The following DAB1 variants were observed in gnomAD, a reference collection of about 807,000 sequenced individuals.
DAB1 encodes DAB adaptor protein 1, also known as disabled homolog 1.
A neutral mutation model predicts 64.6 loss-of-function variants in DAB1; 15 were observed. That is an observed-to-expected ratio of 0.23 (90% CI 0.16 to 0.36). The LOEUF is 0.36. DAB1 is among the 10% of genes least tolerant of loss of function. The pLI, the probability that DAB1 is intolerant of heterozygous loss-of-function variation, is 1.00. For missense variants in DAB1, 596 were observed against 706.7 expected (o/e 0.84, Z 1.78); for synonymous variants, 235 against 251.9 (o/e 0.93, Z 0.64).
chr1:58,536,264 G>T (rs186557104), intron 1 of DAB1, among the ~76,000 whole-genome samples: 1 of 152,092 alleles, frequency 6.6e-6, no homozygotes, highest in Non-Finnish European at 1.5e-5. Flanking sequence ...ATCAAGGAAG[G>T]TTTTCCTGAG....
chr1:57,429,625 C>A (rs1685423427), intron 7 of DAB1, among the ~76,000 whole-genome samples: 1 of 152,138 alleles, frequency 6.6e-6, no homozygotes, highest in Non-Finnish European at 1.5e-5. Flanking sequence ...TATTGCAAGT[C>A]TTCCATCTGT....
At chr1:58,039,442 C>A (rs893594818) in intron 5 of DAB1, among the ~76,000 whole-genome samples, 1 of 152,218 alleles carries the variant, frequency 6.6e-6, no homozygotes, top group Non-Finnish European at 1.5e-5. Flanking sequence ...TGAGTGTGCA[C>A]CCCCACAAGG....
intron 5 of DAB1, among the ~76,000 whole-genome samples, chr1:57,940,015 G>A (rs909575802): frequency 2.0e-5 from 3 of 152,166 alleles, no homozygotes; most frequent in Admixed American, 2.0e-4. Flanking sequence ...ATATGACTGC[G>A]ATTTTTACAG....
At chr1:57,537,468 T>C (rs1056111295) in intron 7 of DAB1, among the ~76,000 whole-genome samples, 1 of 152,230 alleles carries the variant, frequency 6.6e-6, no homozygotes, top group Non-Finnish European at 1.5e-5. Context: ...ACTCACTGTA[T>C]ATCAAAATCG....
rs751284282 is a variant in DAB1, at chr1:57,420,068, T to G, written c.-137+3862A>C. Among the ~76,000 whole-genome samples the G allele has an allele frequency of 4.6e-5, 7 of 152,234 alleles. No homozygotes were observed. In the East Asian group the frequency reaches 5.8e-4, roughly 13 times the overall value. Reference sequence around the variant, plus strand: ...TGAACCAATACTAACCAATGCCTGATAGAAACTGCCACAGAGTCACAAGTG... The same window carrying G: ...TGAACCAATACTAACCAATGCCTGAGAGAAACTGCCACAGAGTCACAAGTG... On this transcript the variant is annotated intron_variant, in intron 1 of 14. Coordinates refer to ENST00000371236, the MANE Select transcript of DAB1 (RefSeq NM_001365792.1).
At chr1:57,670,614 A>G (rs763580494) in intron 6 of DAB1, among the ~76,000 whole-genome samples, 49 of 152,282 alleles carry the variant, frequency 3.2e-4, no homozygotes, top group Non-Finnish European at 3.8e-4. Context: ...TAACTGTTGG[A>G]AAGATGAAGA....
chr1:58,152,902 A>C (rs1056390165), intron 4 of DAB1, among the ~76,000 whole-genome samples: 1 of 152,214 alleles, frequency 6.6e-6, no homozygotes, highest in Non-Finnish European at 1.5e-5. Flanking sequence ...GCCGGTCCAA[A>C]TCACACAGTT....
chr1:57,795,468 A>G (rs755886409), intron 6 of DAB1, among the ~76,000 whole-genome samples: 35 of 151,960 alleles, frequency 2.3e-4, no homozygotes, highest in Non-Finnish European at 3.8e-4. Context: ...ACAAAGGAAC[A>G]TAGAAATGGA....
intron 4 of DAB1, among the ~76,000 whole-genome samples, chr1:58,291,124 C>T (rs1661822843): frequency 6.6e-6 from 1 of 152,130 alleles, no homozygotes; most frequent in African/African-American, 2.4e-5. Flanking sequence ...GCAACATGTC[C>T]TCGACATCGT....
intron 2 of DAB1, among the ~76,000 whole-genome samples, chr1:57,161,907 G>C (rs1442625695): frequency 6.6e-6 from 1 of 151,242 alleles, no homozygotes; most frequent in Non-Finnish European, 1.5e-5. Context: ...TCATCTGGCA[G>C]CGTAAATTAT....
chr1:58,105,082 C>T (rs185614669), intron 5 of DAB1, among the ~76,000 whole-genome samples: 2 of 152,248 alleles, frequency 1.3e-5, no homozygotes, highest in East Asian at 1.9e-4. Context: ...TTGTGATTTG[C>T]GACCACAAAA....
chr1:57,962,711 T>A (rs190355117), intron 5 of DAB1, among the ~76,000 whole-genome samples: 13 of 151,872 alleles, frequency 8.6e-5, no homozygotes, highest in African/African-American at 3.1e-4. Context: ...TTTTTTTTTT[T>A]AATTTAGCCA....
chr1:57,028,924 A>G (rs1646877487), intron 9 of DAB1, among the ~76,000 whole-genome samples: 1 of 151,922 alleles, frequency 6.6e-6, no homozygotes, highest in Non-Finnish European at 1.5e-5. Flanking sequence ...ACGTGATAGA[A>G]AAAAAAAATT....
chr1:57,356,993 A>C (rs1679161163), intron 1 of DAB1, among the ~76,000 whole-genome samples: 1 of 152,062 alleles, frequency 6.6e-6, no homozygotes, highest in Non-Finnish European at 1.5e-5. Context: ...ATTGGAAACA[A>C]TAATGACCCT....
chr1:58,249,309 C>A (rs188148748), intron 4 of DAB1, among the ~76,000 whole-genome samples: 1 of 151,728 alleles, frequency 6.6e-6, no homozygotes. Flanking sequence ...CGGAACAGCT[C>A]CCCCCGCCCC....
intron 1 of DAB1, among the ~76,000 whole-genome samples, chr1:57,361,712 C>T (rs1198214019): frequency 1.3e-5 from 2 of 152,038 alleles, no homozygotes; most frequent in African/African-American, 4.8e-5. Context: ...TCACATAGCC[C>T]AGATGGGGCT....
rs139066171 is a variant in DAB1, at chr1:57,594,975, G to T, written n.625+54617C>A. On this transcript the variant is annotated intron_variant and non_coding_transcript_variant, in intron 7 of 20. Transcript: ENST00000485760. ...TCCACCCGCCTCAGCCTCCCAAAGT[G>T]CTGGGATTACAGGCGTGAGCCACCA... Among the ~76,000 whole-genome samples the T allele has an allele frequency of 3.8e-3, 575 of 152,252 alleles. 3 individuals carry two copies. The highest frequency in any genetic ancestry group is 0.013 in the African/African-American group (552 of 41,552).
At chr1:58,404,271 G>A (rs1385880185) in intron 3 of DAB1, among the ~76,000 whole-genome samples, 1 of 152,200 alleles carries the variant, frequency 6.6e-6, no homozygotes, top group African/African-American at 2.4e-5. Flanking sequence ...ACTCTTAGAT[G>A]TACTTGAGAT....
chr1:57,921,698 C>T (rs1644809530), intron 5 of DAB1, among the ~76,000 whole-genome samples: 2 of 149,750 alleles, frequency 1.3e-5, no homozygotes, highest in Non-Finnish European at 3.0e-5. Context: ...TACCAGACTT[C>T]CCACTGGTCT....
Sources: allele counts gnomAD v4.1 joint callset (sites outside exome capture counted in the v4.1 genomes callset), GRCh38; gene constraint gnomAD v4.1.1; transcripts MANE v1.5; gene names NCBI Gene and HGNC (gene_info 2026-07-23, HGNC 2026-07-21).